SMAD2: variants seen among roughly 807,000 people sequenced by gnomAD.
SMAD2 encodes MAD homolog 2.
In SMAD2, 8 loss-of-function variants were observed where a neutral mutation model predicts 64.4. The ratio of observed to expected loss-of-function variants is 0.12; its 90% confidence interval spans 0.07 to 0.22. The LOEUF is 0.22. Among genes scored for constraint, SMAD2 ranks in the 10% least tolerant of loss-of-function variants. SMAD2 has a pLI of 1.00. For synonymous variants in SMAD2, 203 were observed against 195.8 expected (o/e 1.04, Z -0.31); for missense variants, 289 against 561.2 (o/e 0.51, Z 4.90).
intron 10 of SMAD2, among the ~76,000 whole-genome samples, chr18:47,844,659 G>C (rs1914317131): frequency 6.6e-6 from 1 of 152,182 alleles, no homozygotes; most frequent in African/African-American, 2.4e-5. Context: ...CAAATTATCA[G>C]CTTTCTATGT....
chr18:47,866,491 T>A (rs527416088), intron 5 of SMAD2, among the ~76,000 whole-genome samples: 1 of 152,126 alleles, frequency 6.6e-6, no homozygotes, highest in African/African-American at 2.4e-5. Flanking sequence ...GAATAAATTA[T>A]CTTCATATAC....
In SMAD2 at chr18:47,818,760, G is replaced by A. The variant is rs1319906050; in HGVS notation, c.*23067C>T. On this transcript the variant is annotated 3_prime_UTR_variant, in exon 11 of 11. Transcript: ENST00000262160. ...AAGGGAAAAAAGGGGTTGGGGAGGT[G>A]GGGTAAGAGGTTTTTTAAAAATCCA... 2.6e-5 allele frequency: 4 copies of A among 152,180 alleles called. No homozygotes were observed. Among genetic ancestry groups the A allele is most frequent in the Non-Finnish European group, 5.9e-5 (4 of 68,036 alleles). 9.4% of individuals were successfully genotyped at this position (152,180 alleles called of 1,614,324 possible).
chr18:47,847,831 C>T (rs1914677175), intron 8 of SMAD2, among the ~76,000 whole-genome samples: 1 of 151,840 alleles, frequency 6.6e-6, no homozygotes, highest in Admixed American at 6.6e-5. Context: ...CTCTGGAATA[C>T]TCCACTGTAC....
chr18:47,898,121 G>C (rs1275510985), intron 1 of SMAD2, among the ~76,000 whole-genome samples: 3 of 152,072 alleles, frequency 2.0e-5, no homozygotes, highest in Middle Eastern at 6.3e-3. Context: ...ATAATAATAA[G>C]GCATCATTTC....
At position 47,841,588 on chromosome 18, in the gene SMAD2, T is replaced by C. The variant is rs772361016; in HGVS notation, c.*239A>G. 24 of 546,904 alleles carry C rather than the reference T, an allele frequency of 4.4e-5. No individual in the cohort carries two copies. The highest frequency in any genetic ancestry group is 9.1e-5 in the Admixed American group (3 of 33,114). 33.9% of individuals were successfully genotyped at this position (546,904 alleles called of 1,614,324 possible). On this transcript the variant is annotated 3_prime_UTR_variant, in exon 11 of 11. Transcript: ENST00000262160. Reference sequence around the variant, plus strand: ...CAGTTTTATGCCCAATAAGACATCATTAAGTCTTTAAAATCTTCTCTTCCT... The same window carrying C: ...CAGTTTTATGCCCAATAAGACATCACTAAGTCTTTAAAATCTTCTCTTCCT...
In SMAD2 at chr18:47,894,982, C is replaced by A. The variant is rs553135885; in HGVS notation, c.236+1539G>T. Among the ~76,000 whole-genome samples, 4 of 152,316 alleles carry A rather than the reference C, an allele frequency of 2.6e-5. No individual in the cohort carries two copies. The South Asian group carries it at 8.3e-4, about 32-fold the overall frequency. ...GTGCTAGCACAGCCACCACGCCAGT[C>A]CAGCCTCTATCGTCTTGCATTTAGA... On this transcript the variant is annotated intron_variant, in intron 2 of 10. Coordinates refer to ENST00000262160, the MANE Select transcript of SMAD2 (RefSeq NM_005901.6).
intron 2 of SMAD2, among the ~76,000 whole-genome samples, chr18:47,877,171 T>C (rs2032313690): frequency 1.3e-5 from 2 of 152,054 alleles, no homozygotes; most frequent in South Asian, 4.1e-4. Flanking sequence ...ATTTTTTTTT[T>C]TTTTTAACAA....
chr18:47,839,116 C>T lies in SMAD2; in HGVS notation c.*2711G>A, dbSNP rs899041264. ...ACATTCACACAAATGTAATTACAAC[C>T]AGGAAGTAAACTGCTCAACAGGTAT... is the stretch of plus-strand genomic sequence containing the variant. On this transcript the variant is annotated 3_prime_UTR_variant, in exon 11 of 11. Transcript: ENST00000262160. The T allele has an allele frequency of 1.3e-5, 3 of 233,104 alleles. No individual in the cohort carries two copies. The highest frequency in any genetic ancestry group is 5.6e-5 in the Admixed American group (1 of 17,774). 14.4% of individuals were successfully genotyped at this position (233,104 alleles called of 1,614,324 possible).
In SMAD2 at chr18:47,872,836, C is replaced by T. The variant is rs538989676; in HGVS notation, c.237-2272G>A. 7.9e-5 allele frequency among the ~76,000 whole-genome samples: 12 copies of T among 152,248 alleles called. No individual in the cohort carries two copies. In the East Asian group the frequency reaches 2.3e-3, roughly 29 times the overall value. ...AAACTTGCCTTTCATGACTCTGTCT[C>T]CTGGTGCCAAAACGGTTGGGAACAG... On this transcript the variant is annotated intron_variant, in intron 2 of 10. Coordinates refer to ENST00000262160, the MANE Select transcript of SMAD2 (RefSeq NM_005901.6).
rs751806986 is a variant in SMAD2 at position 47,832,193 on chromosome 18, G to C, written c.*9634C>G. 2 of 152,154 alleles carry C rather than the reference G, an allele frequency of 1.3e-5. No homozygotes were observed. Among genetic ancestry groups the C allele is most frequent in the Non-Finnish European group, 2.9e-5 (2 of 68,034 alleles). The allele number at this position is 152,154 out of a possible 1,614,324, so 9.4% of individuals were successfully genotyped here. On this transcript the variant is annotated 3_prime_UTR_variant, in exon 11 of 11. Transcript: ENST00000262160. ...TACTCTTCAGCCATTTGATGAACAT[G>C]TGGAATTATGGATGCTAGGGCCATT...
Position 47,817,735 on chromosome 18 carries a change from T to C in SMAD2, c.*24092A>G, listed in dbSNP as rs954813423. The C allele has an allele frequency of 6.6e-6, 1 of 152,264 alleles. No homozygotes were observed. Among genetic ancestry groups the C allele is most frequent in the Non-Finnish European group, 1.5e-5 (1 of 68,048 alleles). The allele number at this position is 152,264 out of a possible 1,614,324, so 9.4% of individuals were successfully genotyped here. A position where few individuals can be genotyped will look rare whatever the true frequency, so the allele number is the denominator to read the frequency against. ...TGATTTTGGTTTCGTTTCGATATGG[T>C]TACATGCATCTGTAAATGATTTGGC... is the stretch of plus-strand genomic sequence containing the variant. On this transcript the variant is annotated 3_prime_UTR_variant, in exon 11 of 11. Transcript: ENST00000262160.
intron 6 of SMAD2, among the ~76,000 whole-genome samples, chr18:47,855,498 T>C (rs2030593697): frequency 6.6e-6 from 1 of 152,202 alleles, no homozygotes; most frequent in East Asian, 1.9e-4. Context: ...AGTGTGCCTG[T>C]TGCTCCCCAT....
intron 5 of SMAD2, among the ~76,000 whole-genome samples, chr18:47,867,861 T>A (rs2031678859): frequency 6.6e-6 from 1 of 152,158 alleles, no homozygotes; most frequent in Non-Finnish European, 1.5e-5. Flanking sequence ...TGTTGCTATG[T>A]CTATAGAACT....
rs1228418076 is a variant in SMAD2 at position 47,810,056 on chromosome 18, G to C, written c.*31771C>G. 6.6e-6 allele frequency: 1 copy of C among 152,138 alleles called. No homozygotes were observed. Among genetic ancestry groups the C allele is most frequent in the Admixed American group, 6.5e-5 (1 of 15,276 alleles). The allele number at this position is 152,138 out of a possible 1,614,324, so 9.4% of individuals were successfully genotyped here. Reference sequence around the variant, plus strand: ...ACATACTCTTTCAGACATGAAGTCAGAGGGCTTCTGCCATCCTGCCTGCCT... The same window carrying C: ...ACATACTCTTTCAGACATGAAGTCACAGGGCTTCTGCCATCCTGCCTGCCT... On this transcript the variant is annotated 3_prime_UTR_variant, in exon 11 of 11. Transcript: ENST00000262160.
rs375389650 is a variant in SMAD2, at chr18:47,815,092, G to A, written c.*26735C>T. On this transcript the variant is annotated 3_prime_UTR_variant, in exon 11 of 11. Coordinates refer to ENST00000262160, the MANE Select transcript of SMAD2 (RefSeq NM_005901.6). ...AGAGAAACTCTTTCCTGTGTCACCT[G>A]GAGATGACTGTTCTCACCCACTAGA... 3.9e-5 allele frequency: 6 copies of A among 152,346 alleles called. No individual in the cohort carries two copies. Among genetic ancestry groups the A allele is most frequent in the African/African-American group, 1.2e-4 (5 of 41,556 alleles). The allele number at this position is 152,346 out of a possible 1,614,324, so 9.4% of individuals were successfully genotyped here. A position where few individuals can be genotyped will look rare whatever the true frequency, so the allele number is the denominator to read the frequency against.
chr18:47,850,239 T>C (rs8090048), intron 7 of SMAD2, among the ~76,000 whole-genome samples: 6 of 62,568 alleles, frequency 9.6e-5, no homozygotes, highest in Admixed American at 6.6e-4. Context: ...ATATTATATA[T>C]TATATATTAT....
At chr18:47,889,891 G>C (rs1383613582) in intron 2 of SMAD2, among the ~76,000 whole-genome samples, 1 of 152,074 alleles carries the variant, frequency 6.6e-6, no homozygotes, top group East Asian at 1.9e-4. Flanking sequence ...ATGTTAAACA[G>C]GACAAGAAAA....
intron 8 of SMAD2, 71 bp downstream of exon 8, chr18:47,848,404 G>T: frequency 8.6e-7 from 1 of 1,167,994 alleles, no homozygotes. Flanking sequence ...CTCTTGATGT[G>T]GCACACCATG....
In SMAD2 at chr18:47,812,466, AGAAGGG is replaced by A. The variant is rs1912236456; in HGVS notation, c.*29355_*29360del. ...GCCTCAGGAAACTTACAATTATGGC[AGAAGGG>A]GAAGCAGGCACCTTCTTCACAAGGT... On this transcript the variant is annotated 3_prime_UTR_variant, in exon 11 of 11. Transcript: ENST00000262160. 6.6e-6 allele frequency: 1 copy of A among 152,278 alleles called. No homozygotes were observed. Among genetic ancestry groups the A allele is most frequent in the Non-Finnish European group, 1.5e-5 (1 of 68,110 alleles). The allele number at this position is 152,278 out of a possible 1,614,324, so 9.4% of individuals were successfully genotyped here. A position where few individuals can be genotyped will look rare whatever the true frequency, so the allele number is the denominator to read the frequency against.
Sources: allele counts gnomAD v4.1 joint callset (sites outside exome capture counted in the v4.1 genomes callset), GRCh38; gene constraint gnomAD v4.1.1; transcripts MANE v1.5; gene names NCBI Gene and HGNC (gene_info 2026-07-23, HGNC 2026-07-21).